Variants in CAPN8 observed in about 807,000 individuals in gnomAD.
CAPN8 encodes calpain 8.
CAPN8 carries 87 observed loss-of-function variants against 80.9 expected under a neutral mutation model. The observed-to-expected ratio is 1.07, with a 90% CI of 0.90 to 1.28. The LOEUF (loss-of-function observed/expected upper bound fraction) is 1.28. CAPN8 is among the 50% of genes most tolerant of loss of function. The pLI, the probability that CAPN8 is intolerant of heterozygous loss-of-function variation, is 0.00. For missense variants in CAPN8, 757 were observed against 702.0 expected, an observed-to-expected ratio of 1.08 and a Z score of -0.89; for synonymous variants, 299 against 273.8, an observed-to-expected ratio of 1.09 and a Z score of -0.91.
rs1028843724 is a variant in CAPN8 at position 223,609,291 on chromosome 1, G to A, written c.1397C>T (p.Thr466Ile). The change falls in exon 12 of 21, where the codon ACC becomes ATC. Residue 466 changes from threonine to isoleucine, a missense_variant. Thr to Ile is a moderately conservative substitution (Grantham distance 89). Coordinates refer to ENST00000366872, the MANE Select transcript of CAPN8 (RefSeq NM_001143962.2). ...AGAGACCTCCCGCAGGTTGACGTAG[G>A]TGCTGGTGCGGGCTGAGGGCTGGTA... ...LAYQPSARTS[T>I]YVNLREVSGR... 6 of 398,486 alleles carry A rather than the reference G, an allele frequency of 1.5e-5. No individual in the cohort carries two copies. The highest frequency in any genetic ancestry group is 2.2e-5 in the Non-Finnish European group (5 of 226,108). 24.7% of individuals were successfully genotyped at this position (398,486 alleles called of 1,614,324 possible).
chr1:223,550,628 G>T (rs776390909), intron 15 of CAPN8, among the ~76,000 whole-genome samples: 137 of 151,948 alleles, frequency 9.0e-4, no homozygotes, highest in Non-Finnish European at 1.3e-3. Flanking sequence ...TATTAATTTT[G>T]TGAAAAAAAT....
intron 2 of CAPN8, among the ~76,000 whole-genome samples, chr1:223,629,846 T>C (rs1376636962): frequency 6.6e-6 from 1 of 152,202 alleles, no homozygotes; most frequent in East Asian, 1.9e-4. Flanking sequence ...CTGTTTCTCC[T>C]ATTCATTCCA....
chr1:223,549,513 G>A (rs370862606), intron 15 of CAPN8, 131 bp from the exon 16 acceptor site: 10 of 1,391,948 alleles, frequency 7.2e-6, no homozygotes, highest in African/African-American at 4.3e-5. Flanking sequence ...TGCCAAAAGG[G>A]GAGAGCATCA....
In CAPN8 at chr1:223,541,781, G is replaced by T. The variant is rs1656468788; in HGVS notation, c.*55C>A. 5.8e-6 allele frequency: 9 copies of T among 1,551,352 alleles called. No homozygotes were observed. The highest frequency in any genetic ancestry group is 1.7e-4 in the Middle Eastern group (1 of 5,834). On this transcript the variant is annotated 3_prime_UTR_variant, in exon 21 of 21. Transcript: ENST00000366872. ...ATGTTCACAAAATTGTAGAGAAGGG[G>T]TGACAAGAAGCAAGCAGTGGGGCAG...
At chr1:223,610,673 G>C (rs1316537558) in intron 11 of CAPN8, among the ~76,000 whole-genome samples, 1 of 152,190 alleles carries the variant, frequency 6.6e-6, no homozygotes, top group African/African-American at 2.4e-5. Context: ...TTGGGGGCCA[G>C]AGTGGGAACT....
Position 223,653,696 on chromosome 1 carries a change from G to A in CAPN8, c.307+634C>T, listed in dbSNP as rs527365476. 4.6e-5 allele frequency among the ~76,000 whole-genome samples: 7 copies of A among 152,210 alleles called. 1 individual carries two copies. The highest frequency in any genetic ancestry group is 1.2e-4 in the African/African-American group (5 of 41,532). Reference sequence around the variant, plus strand: ...CTCCCATCTGTGAAGCCTTGGTATCGGGAGGGCTTATGAAATCAATAAAGC... The same window carrying A: ...CTCCCATCTGTGAAGCCTTGGTATCAGGAGGGCTTATGAAATCAATAAAGC... On this transcript the variant is annotated intron_variant, in intron 2 of 20. Transcript: ENST00000366872.
intron 1 of CAPN8, among the ~76,000 whole-genome samples, chr1:223,659,045 T>C (rs1409765297): frequency 6.6e-6 from 1 of 152,190 alleles, no homozygotes; most frequent in Non-Finnish European, 1.5e-5. Flanking sequence ...ATCATGTCTT[T>C]TTAGTAACAC....
chr1:223,545,397 T>A, intron 16 of CAPN8, 98 bp from the exon 17 acceptor site: 1 of 1,527,054 alleles, frequency 6.5e-7, no homozygotes, highest in Non-Finnish European at 8.8e-7. Context: ...AAGGCCTTAG[T>A]GAACCTTCCA....
intron 2 of CAPN8, among the ~76,000 whole-genome samples, chr1:223,638,769 T>C (rs1386072002): frequency 2.6e-5 from 4 of 152,278 alleles, no homozygotes; most frequent in South Asian, 4.1e-4. Flanking sequence ...CATGAGTCCC[T>C]ATGCTGGGGC....
intron 2 of CAPN8, among the ~76,000 whole-genome samples, chr1:223,631,144 T>G (rs1490794986): frequency 6.6e-6 from 1 of 152,180 alleles, no homozygotes; most frequent in Non-Finnish European, 1.5e-5. Context: ...TCGTTTTCAT[T>G]GATGTGATTT....
intron 1 of CAPN8, among the ~76,000 whole-genome samples, chr1:223,661,817 G>A (rs1658653390): frequency 6.6e-6 from 1 of 152,080 alleles, no homozygotes; most frequent in Non-Finnish European, 1.5e-5. Flanking sequence ...TATCTTTTGG[G>A]TATATAACAA....
chr1:223,545,989 ATTTTTTTTTTT>A (rs35357819), intron 16 of CAPN8, among the ~76,000 whole-genome samples: 1 of 111,420 alleles, frequency 9.0e-6, no homozygotes, highest in African/African-American at 3.6e-5. Context: ...TACTCCACTA[ATTTTTTTTTTT>A]TTTTTTTTTT....
chr1:223,621,876 A>T lies in CAPN8; in HGVS notation c.899+939T>A, dbSNP rs910637859. Among the ~76,000 whole-genome samples the T allele has an allele frequency of 1.9e-4, 28 of 150,916 alleles. 1 individual carries two copies. Among genetic ancestry groups the T allele is most frequent in the East Asian group, 5.8e-4 (3 of 5,144 alleles). On this transcript the variant is annotated intron_variant, in intron 7 of 20. Coordinates refer to ENST00000366872, the MANE Select transcript of CAPN8 (RefSeq NM_001143962.2). ...GACTGGCTAATTATTTTTTTTTTTT[A>T]AATGGAGTCTTGCTCTGTTGCCCAA...
At chr1:223,623,501 T>C (rs1464504139) in intron 6 of CAPN8, among the ~76,000 whole-genome samples, 1 of 152,188 alleles carries the variant, frequency 6.6e-6, no homozygotes, top group Non-Finnish European at 1.5e-5. Context: ...AATCCACATA[T>C]ACTGCTTTCC....
intron 20 of CAPN8, among the ~76,000 whole-genome samples, chr1:223,542,644 T>A (rs189175488): frequency 6.6e-6 from 1 of 152,300 alleles, no homozygotes; most frequent in Admixed American, 6.5e-5. Flanking sequence ...GGGTGCAGTG[T>A]CCACGGGGGA....
At chr1:223,643,724 A>T (rs1399477119) in intron 2 of CAPN8, among the ~76,000 whole-genome samples, 1 of 152,228 alleles carries the variant, frequency 6.6e-6, no homozygotes, top group East Asian at 1.9e-4. Context: ...AGTTTGTCCA[A>T]AGTGAGGACA....
At chr1:223,635,111 CTTGT>C (rs1371412364) in intron 2 of CAPN8, among the ~76,000 whole-genome samples, 4 of 152,176 alleles carry the variant, frequency 2.6e-5, no homozygotes, top group Non-Finnish European at 5.9e-5. Context: ...CTAATATATG[CTTGT>C]TTTTTAAAAA....
At chr1:223,627,393 G>C (rs1054762977) in intron 4 of CAPN8, among the ~76,000 whole-genome samples, 10 of 152,196 alleles carry the variant, frequency 6.6e-5, no homozygotes, top group African/African-American at 2.2e-4. Flanking sequence ...CCTTTACAAA[G>C]CCAAGGGCAA....
intron 9 of CAPN8, 25 bp from the exon 10 acceptor site, chr1:223,616,170 G>A (rs945385805): frequency 1.3e-6 from 2 of 1,537,890 alleles, no homozygotes; most frequent in Non-Finnish European, 1.8e-6. Flanking sequence ...GGTGATGGTG[G>A]TTCCCCACGT....
Sources: allele counts gnomAD v4.1 joint callset (sites outside exome capture counted in the v4.1 genomes callset), GRCh38; gene constraint gnomAD v4.1.1; transcripts MANE v1.5; gene names NCBI Gene and HGNC (gene_info 2026-07-23, HGNC 2026-07-21).